SEPTIN11: variants seen among roughly 807,000 people sequenced by gnomAD.
SEPTIN11 encodes the protein septin 11, also known as septin-11.
SEPTIN11 carries 25 observed loss-of-function variants against 51.4 expected under a neutral mutation model. The ratio of observed to expected loss-of-function variants is 0.49; its 90% CI spans 0.35 to 0.68. The LOEUF is 0.68. SEPTIN11 is among the 30% of genes least tolerant of loss of function. SEPTIN11 has a pLI of 0.00. For synonymous variants in SEPTIN11, 174 were observed against 184.1 expected (o/e 0.95, Z 0.44); for missense variants, 381 against 520.8 (o/e 0.73, Z 2.61).
At chr4:76,952,879 A>G (rs1243304687) in intron 1 of SEPTIN11, among the ~76,000 whole-genome samples, 2 of 152,140 alleles carry the variant, frequency 1.3e-5, no homozygotes, top group East Asian at 1.9e-4. Flanking sequence ...CGGGGCAGCT[A>G]TTATCTTTAT....
chr4:77,005,723 G>A lies in SEPTIN11; in HGVS notation c.265G>A (p.Glu89Lys). Residue 89 changes from glutamate to lysine, a missense_variant, in exon 3 of 10, where the codon GAA becomes AAA. Glu to Lys is a moderately conservative substitution (Grantham distance 56). Transcript: ENST00000264893. Reference sequence around the variant, plus strand: ...AAAAGCCAGAAGTTATGAGCTTCAGGAAAGCAATGTACGGCTGAAGTTAAC... The same window carrying A: ...AAAAGCCAGAAGTTATGAGCTTCAGAAAAGCAATGTACGGCTGAAGTTAAC... ...RLKARSYELQESNVRLKLTIV... is the reference protein window; with the variant it reads ...RLKARSYELQKSNVRLKLTIV... The A allele has an allele frequency of 6.2e-7, 1 of 1,614,042 alleles. No individual in the cohort carries two copies. The highest frequency in any genetic ancestry group is 8.5e-7 in the Non-Finnish European group (1 of 1,179,950).
chr4:76,974,665 C>T (rs1039567160), intron 1 of SEPTIN11: 20 of 430,386 alleles, frequency 4.6e-5, no homozygotes, highest in Non-Finnish European at 8.9e-5. Flanking sequence ...AAAACCCAAA[C>T]TCCCCTTCTA....
intron 1 of SEPTIN11, among the ~76,000 whole-genome samples, chr4:76,950,475 A>G (rs1384720636): frequency 6.6e-6 from 1 of 152,254 alleles, no homozygotes; most frequent in Non-Finnish European, 1.5e-5. Context: ...GGCCCTGCCC[A>G]GGATGTGGAC....
intron 7 of SEPTIN11, among the ~76,000 whole-genome samples, chr4:77,022,891 T>C (rs28581836): frequency 0.045 from 6,902 of 152,246 alleles, 242 homozygotes; most frequent in East Asian, 0.096. Flanking sequence ...CACTTAGGTC[T>C]TTCCACCATC....
chr4:77,028,442 C>T (rs968663481), intron 7 of SEPTIN11, among the ~76,000 whole-genome samples, 187 bp from the exon 8 acceptor site: 2 of 152,198 alleles, frequency 1.3e-5, no homozygotes, highest in African/African-American at 4.8e-5. Flanking sequence ...ATTTCTAGTT[C>T]TTGATGCACT....
chr4:77,017,249 T>G (rs1419556473), intron 5 of SEPTIN11, among the ~76,000 whole-genome samples: 1 of 152,248 alleles, frequency 6.6e-6, no homozygotes, highest in Non-Finnish European at 1.5e-5. Flanking sequence ...CAAGAATTTT[T>G]GCTCTCTTTC....
chr4:76,987,755 C>A, intron 1 of SEPTIN11: 1 of 653,202 alleles, frequency 1.5e-6, no homozygotes, highest in Non-Finnish European at 1.9e-6. Context: ...GGCTGGTGGT[C>A]AGTCAAAGAT....
intron 1 of SEPTIN11, among the ~76,000 whole-genome samples, chr4:76,961,922 A>G (rs544014031): frequency 4.7e-4 from 71 of 152,368 alleles, no homozygotes; most frequent in African/African-American, 1.4e-3. Context: ...CACTAGTTGT[A>G]ATCATCATCA....
intron 8 of SEPTIN11, among the ~76,000 whole-genome samples, chr4:77,030,556 C>T (rs1726543855): frequency 1.3e-5 from 2 of 152,010 alleles, no homozygotes; most frequent in African/African-American, 4.8e-5. Context: ...GCCACCACGC[C>T]TGGCTAATTT....
At chr4:76,976,792 G>A (rs2703107) in intron 1 of SEPTIN11, among the ~76,000 whole-genome samples, 97,882 of 151,906 alleles carry the variant, frequency 0.64, 31,687 homozygotes, top group African/African-American at 0.69. Context: ...TTAGAATCCC[G>A]TAATTTAACA....
intron 3 of SEPTIN11, among the ~76,000 whole-genome samples, chr4:77,006,399 G>A (rs770493764): frequency 1.8e-4 from 27 of 151,936 alleles, no homozygotes; most frequent in African/African-American, 5.8e-4. Context: ...TTAAAATTTC[G>A]TGGCATACAA....
chr4:77,033,391 C>G lies in SEPTIN11; in HGVS notation c.1275-1106C>G, dbSNP rs572731482. ...TATTTACCTGCTATGCTTCCACCTC[C>G]AAGCCTAACTTAGTTTTTCTAATAG... is the stretch of plus-strand genomic sequence containing the variant. On this transcript the variant is annotated intron_variant, in intron 9 of 9. Coordinates refer to ENST00000264893, the MANE Select transcript of SEPTIN11 (RefSeq NM_018243.4). 5.9e-5 allele frequency among the ~76,000 whole-genome samples: 9 copies of G among 152,334 alleles called. 1 individual carries two copies. In the South Asian group the frequency reaches 1.9e-3, roughly 32 times the overall value.
rs372343698 is a variant in SEPTIN11 at position 76,984,779 on chromosome 4, G to A, written c.28-11646G>A. On this transcript the variant is annotated intron_variant, in intron 1 of 9. Transcript: ENST00000264893. The surrounding 1 kb of genome is among the most constrained non-coding windows in gnomAD (Gnocchi z 4.1). The stretch of plus-strand genomic sequence containing the variant: ...AAGTGGGTGGTTTTATGCTCTGCAA[G>A]AGACGTGATATGTCTTAAATGGAAC... Among the ~76,000 whole-genome samples, 2 of 152,158 alleles carry A rather than the reference G, an allele frequency of 1.3e-5. No individual in the cohort carries two copies. Among genetic ancestry groups the A allele is most frequent in the South Asian group, 4.1e-4 (2 of 4,826 alleles).
chr4:77,018,345 A>T (rs999418379), intron 5 of SEPTIN11, among the ~76,000 whole-genome samples: 8 of 152,110 alleles, frequency 5.3e-5, no homozygotes, highest in African/African-American at 1.9e-4. Context: ...GCTATTTGGG[A>T]CGCTGAGGCA....
At chr4:76,983,663 AC>A (rs1368130360) in intron 1 of SEPTIN11, among the ~76,000 whole-genome samples, 3 of 152,062 alleles carry the variant, frequency 2.0e-5, no homozygotes, top group Non-Finnish European at 2.9e-5. Flanking sequence ...TATGTAAACA[AC>A]CCCTATTCCA....
intron 6 of SEPTIN11, among the ~76,000 whole-genome samples, chr4:77,019,857 C>T (rs866037819): frequency 6.6e-5 from 10 of 152,122 alleles, no homozygotes; most frequent in Non-Finnish European, 1.2e-4. Context: ...GAAAGTTCTT[C>T]GCTGGTTTAA....
Position 76,964,244 on chromosome 4 carries a change from A to G in SEPTIN11, c.27+14314A>G, listed in dbSNP as rs116726804. Among the ~76,000 whole-genome samples, 1,216 of 151,918 alleles carry G rather than the reference A, an allele frequency of 8.0e-3. 21 individuals are homozygous for G. Among genetic ancestry groups the G allele is most frequent in the African/African-American group, 0.028 (1,167 of 41,414 alleles). On this transcript the variant is annotated intron_variant, in intron 1 of 9. Coordinates refer to ENST00000264893, the MANE Select transcript of SEPTIN11 (RefSeq NM_018243.4). ...CATACACAAGAGTAGAGAAAATAGTATAATGAACCCTTCCGTCCCATCACC... is the reference window on the plus strand; with the variant it reads ...CATACACAAGAGTAGAGAAAATAGTGTAATGAACCCTTCCGTCCCATCACC...
At chr4:77,015,061 C>T (rs1725124965) in intron 5 of SEPTIN11, 44 bp downstream of exon 5, 1 of 1,593,384 alleles carries the variant, frequency 6.3e-7, no homozygotes. Flanking sequence ...TTTATGAACG[C>T]CTGTCTTAGT....
At chr4:77,029,644 CCTTTT>C (rs1221296805) in intron 8 of SEPTIN11, among the ~76,000 whole-genome samples, 1 of 151,916 alleles carries the variant, frequency 6.6e-6, no homozygotes, top group Non-Finnish European at 1.5e-5. Context: ...TCCTTCCTTT[CCTTTT>C]CTTTTTCATT....
Sources: allele counts gnomAD v4.1 joint callset (sites outside exome capture counted in the v4.1 genomes callset), GRCh38; gene constraint gnomAD v4.1.1; non-coding constraint Gnocchi (gnomAD v3.1); transcripts MANE v1.5; gene names NCBI Gene and HGNC (gene_info 2026-07-23, HGNC 2026-07-21).